Variants in TATDN1 observed in about 807,000 individuals in gnomAD.
TATDN1 encodes deoxyribonuclease TATDN1.
Under a neutral mutation model 46.4 loss-of-function variants are expected in TATDN1, and 40 were observed. The ratio of observed to expected loss-of-function variants is 0.86; its 90% CI spans 0.67 to 1.12. TATDN1 has a LOEUF of 1.12. Ranked by LOEUF, TATDN1 falls within the 50% of genes most tolerant of loss-of-function variation. TATDN1 has a pLI of 0.00. For synonymous variants in TATDN1, 95 were observed against 105.6 expected (o/e 0.90, Z 0.62); for missense variants, 326 against 348.4 (o/e 0.94, Z 0.51).
intron 1 of TATDN1, among the ~76,000 whole-genome samples, chr8:124,534,325 A>G (rs1379843834): frequency 1.3e-5 from 2 of 152,158 alleles, no homozygotes; most frequent in South Asian, 4.1e-4. Context: ...AAATTATAAG[A>G]ACTTCAAGTT....
At chr8:124,509,551 G>A (rs1162551622) in intron 6 of TATDN1, among the ~76,000 whole-genome samples, 1 of 152,030 alleles carries the variant, frequency 6.6e-6, no homozygotes, top group Non-Finnish European at 1.5e-5. Context: ...GATAACAGGT[G>A]GCTTATTATT....
intron 11 of TATDN1, among the ~76,000 whole-genome samples, chr8:124,493,118 G>C (rs1563641540): frequency 6.6e-6 from 1 of 152,154 alleles, no homozygotes; most frequent in African/African-American, 2.4e-5. Flanking sequence ...CATATGCAAT[G>C]AATAGTCTTA....
intron 3 of TATDN1, among the ~76,000 whole-genome samples, chr8:124,520,987 T>C (rs1194729811): frequency 6.6e-6 from 1 of 150,422 alleles, no homozygotes; most frequent in Non-Finnish European, 1.5e-5. Flanking sequence ...GATGATCTCA[T>C]GGTGGTGGCT....
chr8:124,529,043 T>C (rs1300363351), intron 1 of TATDN1, among the ~76,000 whole-genome samples: 4 of 152,208 alleles, frequency 2.6e-5, no homozygotes, highest in Non-Finnish European at 5.9e-5. Flanking sequence ...TGCTTGGCAA[T>C]GGTCATGAGC....
chr8:124,530,963 T>A, intron 1 of TATDN1, among the ~76,000 whole-genome samples: 1 of 152,134 alleles, frequency 6.6e-6, no homozygotes, highest in East Asian at 1.9e-4. Context: ...AGATGAGACA[T>A]GTGCGACCAG....
At chr8:124,498,951 C>CTTTTTT (rs77795578) in intron 9 of TATDN1, among the ~76,000 whole-genome samples, 2 of 132,378 alleles carry the variant, frequency 1.5e-5, no homozygotes, top group Admixed American at 7.7e-5. Flanking sequence ...CGCCTGGCCT[C>CTTTTTT]TTTTTTTTTT....
At chr8:124,531,746 G>A (rs1167629830) in intron 1 of TATDN1, among the ~76,000 whole-genome samples, 1 of 152,202 alleles carries the variant, frequency 6.6e-6, no homozygotes, top group Non-Finnish European at 1.5e-5. Flanking sequence ...AGCTTCAGGA[G>A]TTCACCTGGG....
chr8:124,537,052 A>G (rs1387453471), intron 1 of TATDN1, among the ~76,000 whole-genome samples: 1 of 152,172 alleles, frequency 6.6e-6, no homozygotes, highest in Admixed American at 6.5e-5. Flanking sequence ...AATTTATTTC[A>G]ATTATTTATT....
intron 9 of TATDN1, among the ~76,000 whole-genome samples, chr8:124,496,404 T>A (rs1452882205): frequency 6.6e-6 from 1 of 152,160 alleles, no homozygotes; most frequent in Non-Finnish European, 1.5e-5. Context: ...GTTCTGTGGG[T>A]CTGGACAAAT....
At chr8:124,516,903 G>A (rs1819520924) in intron 4 of TATDN1, among the ~76,000 whole-genome samples, 1 of 152,128 alleles carries the variant, frequency 6.6e-6, no homozygotes, top group Admixed American at 6.6e-5. Context: ...CCCGAACCAT[G>A]GGAAAGGTAT....
intron 11 of TATDN1, among the ~76,000 whole-genome samples, chr8:124,493,002 A>C (rs1817156258): frequency 6.6e-6 from 1 of 152,180 alleles, no homozygotes; most frequent in South Asian, 2.1e-4. Context: ...AATAAAGGAA[A>C]AGAACCTTTC....
intron 1 of TATDN1, among the ~76,000 whole-genome samples, chr8:124,532,526 CA>C (rs1821054323): frequency 6.6e-6 from 1 of 152,210 alleles, no homozygotes; most frequent in African/African-American, 2.4e-5. Flanking sequence ...TCAAGTGATC[CA>C]CCTGCCTCGG....
rs112637876 is a variant in TATDN1 at position 124,517,148 on chromosome 8, G to T, written c.203-1118C>A. 4.4e-3 allele frequency among the ~76,000 whole-genome samples: 673 copies of T among 152,310 alleles called. 6 individuals are homozygous for T. The highest frequency in any genetic ancestry group is 0.015 in the African/African-American group (633 of 41,586). On this transcript the variant is annotated intron_variant, in intron 4 of 11. Transcript: ENST00000276692. ...TAATCACTAACAAAAAGTGTCAATGGGGTGGGTGAGGTGGCTTACGCCTGT... is the reference window on the plus strand; with the variant it reads ...TAATCACTAACAAAAAGTGTCAATGTGGTGGGTGAGGTGGCTTACGCCTGT...
At chr8:124,534,466 C>T (rs953287912) in intron 1 of TATDN1, among the ~76,000 whole-genome samples, 1 of 152,120 alleles carries the variant, frequency 6.6e-6, no homozygotes, top group Non-Finnish European at 1.5e-5. Context: ...CTCATACTCA[C>T]AATACTCTGA....
At chr8:124,508,089 G>C (rs1818668818) in intron 8 of TATDN1, among the ~76,000 whole-genome samples, 1 of 152,136 alleles carries the variant, frequency 6.6e-6, no homozygotes, top group African/African-American at 2.4e-5. Context: ...TAATAACCAA[G>C]ATGCTTTGTG....
At position 124,504,308 on chromosome 8, in the gene TATDN1, A is replaced by C. The variant is rs767854000; in HGVS notation, c.556T>G (p.Leu186Val). 8.1e-6 allele frequency: 13 copies of C among 1,608,910 alleles called. No individual in the cohort carries two copies. The highest frequency in any genetic ancestry group is 1.1e-5 in the Non-Finnish European group (13 of 1,177,900). ...CCTATATAAAGATCCAAGTCAATCA[A>C]AGCAGCTGCTGCTTCCTTGGTACCA... ...FDGTKEAAAA[L>V]IDLDLYIGFN... Residue 186 changes from leucine to valine, a missense_variant, in exon 9 of 12, where the codon TTG becomes GTG. Leu to Val is a conservative substitution (Grantham distance 32, BLOSUM62 1). Transcript: ENST00000276692.
At chr8:124,492,886 C>G (rs1044614443) in intron 11 of TATDN1, among the ~76,000 whole-genome samples, 2 of 151,634 alleles carry the variant, frequency 1.3e-5, no homozygotes, top group Admixed American at 6.6e-5. Flanking sequence ...CTGAGCTGAT[C>G]TTGAACTCCT....
In TATDN1 at chr8:124,508,970, G is replaced by A. The variant is rs79547972; in HGVS notation, c.390-282C>T. Among the ~76,000 whole-genome samples, 677 of 152,268 alleles carry A rather than the reference G, an allele frequency of 4.4e-3. 6 individuals carry two copies. The highest frequency in any genetic ancestry group is 0.015 in the African/African-American group (636 of 41,554). On this transcript the variant is annotated intron_variant, in intron 6 of 11. Coordinates refer to ENST00000276692, the MANE Select transcript of TATDN1 (RefSeq NM_032026.4). The stretch of plus-strand genomic sequence containing the variant: ...CCTTGCCACTGGGAGCACCATCAGT[G>A]GGAGTCAACTCACCAAGCGAGAAGC...
chr8:124,513,010 G>A (rs1417753385), intron 6 of TATDN1, among the ~76,000 whole-genome samples: 1 of 151,930 alleles, frequency 6.6e-6, no homozygotes, highest in Non-Finnish European at 1.5e-5. Context: ...CTCCTCCCCA[G>A]TTCAAGCAAT....
Sources: allele counts gnomAD v4.1 joint callset (sites outside exome capture counted in the v4.1 genomes callset), GRCh38; gene constraint gnomAD v4.1.1; transcripts MANE v1.5; gene names NCBI Gene and HGNC (gene_info 2026-07-23, HGNC 2026-07-21).